RUVBL1: variants seen among roughly 807,000 people sequenced by gnomAD.
The protein encoded by RUVBL1 is ruvB-like 1.
RUVBL1 carries 4 observed loss-of-function variants against 52.4 expected under a neutral mutation model. The observed-to-expected ratio is 0.08, with a 90% CI of 0.04 to 0.17. RUVBL1 has a LOEUF of 0.17. Among genes scored for constraint, RUVBL1 ranks in the 10% least tolerant of loss-of-function variants. The probability of loss-of-function intolerance (pLI) is 1.00; values close to 1 mark genes in which losing one functional copy is unlikely to be tolerated. For missense variants in RUVBL1, 298 were observed against 572.8 expected, an observed-to-expected ratio of 0.52 and a Z score of 4.90; for synonymous variants, 217 against 214.4, an observed-to-expected ratio of 1.01 and a Z score of -0.10.
upstream of RUVBL1, among the ~76,000 whole-genome samples, chr3:128,127,887 C>T (rs1333412015): frequency 1.3e-5 from 2 of 152,134 alleles, no homozygotes; most frequent in Non-Finnish European, 2.9e-5. Flanking sequence ...GTCCCAGCTA[C>T]TCGGGAGGCT....
intron 1 of RUVBL1, among the ~76,000 whole-genome samples, chr3:128,146,549 C>T (rs1435433426): frequency 1.4e-5 from 2 of 141,620 alleles, no homozygotes; most frequent in Admixed American, 7.1e-5. Flanking sequence ...TGCGTGTGCA[C>T]GGGCATGTGC....
In RUVBL1 at chr3:128,067,289, C is replaced by A; in HGVS notation, c.940-2069G>T. 1 of 1,288,082 alleles carries A rather than the reference C, an allele frequency of 7.8e-7. No individual in the cohort carries two copies. Among genetic ancestry groups the A allele is most frequent in the Non-Finnish European group, 1.1e-6 (1 of 920,826 alleles). The allele number at this position is 1,288,082 out of a possible 1,614,324, so 79.8% of individuals were successfully genotyped here. ...TTACAAATTCAGCACATTAAATTATCTTTTCAGTAAAAAAATTGTACTGTG... is the reference window on the plus strand; with the variant it reads ...TTACAAATTCAGCACATTAAATTATATTTTCAGTAAAAAAATTGTACTGTG... On this transcript the variant is annotated intron_variant, in intron 9 of 9. Coordinates refer to the RUVBL1 transcript ENST00000464873. This position sits in a 1 kb window ranked among gnomAD's most constrained non-coding sequence, Gnocchi z 4.1.
intron 1 of RUVBL1, among the ~76,000 whole-genome samples, chr3:128,152,819 C>G (rs754349778): frequency 1.3e-5 from 2 of 149,752 alleles, no homozygotes; most frequent in Non-Finnish European, 3.0e-5. Context: ...TTCTGCAATG[C>G]GAAAGGGCAC....
chr3:128,139,069 A>G (rs1943983935), intron 1 of RUVBL1, among the ~76,000 whole-genome samples: 1 of 152,210 alleles, frequency 6.6e-6, no homozygotes, highest in Non-Finnish European at 1.5e-5. Flanking sequence ...ACTTAAATCT[A>G]TGACCTCAAA....
At chr3:128,124,634 GA>G (rs1204727185), upstream of RUVBL1, among the ~76,000 whole-genome samples, 14 of 152,212 alleles carry the variant, frequency 9.2e-5, 1 homozygote, top group East Asian at 2.7e-3. Flanking sequence ...CAACAAACAC[GA>G]GCCAGACACC....
chr3:128,152,472 T>C (rs1944235407), intron 1 of RUVBL1, among the ~76,000 whole-genome samples: 1 of 152,226 alleles, frequency 6.6e-6, no homozygotes, highest in Non-Finnish European at 1.5e-5. Flanking sequence ...CTCCCTCTCC[T>C]GCTCCTTTTT....
At chr3:128,129,841 G>T (rs1003444649) in intron 1 of RUVBL1, among the ~76,000 whole-genome samples, 6 of 152,186 alleles carry the variant, frequency 3.9e-5, no homozygotes, top group Non-Finnish European at 5.9e-5. Context: ...GTACAATGGT[G>T]GTTGCCAGGG....
chr3:128,100,547 C>T, intron 6 of RUVBL1, 48 bp downstream of exon 6: 1 of 1,544,432 alleles, frequency 6.5e-7, no homozygotes, highest in Non-Finnish European at 8.7e-7. Flanking sequence ...TCTCCACACA[C>T]ATACAAAAGG....
intron 1 of RUVBL1, among the ~76,000 whole-genome samples, chr3:128,120,610 T>C (rs1042087368): frequency 6.6e-6 from 1 of 152,182 alleles, no homozygotes; most frequent in African/African-American, 2.4e-5. Context: ...AATACGTGAC[T>C]ATCTAAAAGG....
downstream of RUVBL1, chr3:128,078,941 C>G (rs983001209): frequency 2.6e-5 from 4 of 152,270 alleles, no homozygotes; most frequent in Admixed American, 2.6e-4. Flanking sequence ...ACTGGGCCAT[C>G]TCTCTGGGTA....
At chr3:128,140,537 A>C (rs912998345) in intron 1 of RUVBL1, among the ~76,000 whole-genome samples, 7 of 152,274 alleles carry the variant, frequency 4.6e-5, no homozygotes, top group African/African-American at 1.7e-4. Context: ...GGTGGTACAA[A>C]GTCATAAAAG....
chr3:128,144,025 A>G (rs1944068748), intron 1 of RUVBL1, among the ~76,000 whole-genome samples: 1 of 152,148 alleles, frequency 6.6e-6, no homozygotes, highest in Admixed American at 6.5e-5. Flanking sequence ...CGCGTGGAGG[A>G]GTTCTTGCCA....
At chr3:128,099,379 T>G (rs1178982836) in intron 6 of RUVBL1, among the ~76,000 whole-genome samples, 3 of 152,252 alleles carry the variant, frequency 2.0e-5, no homozygotes, top group African/African-American at 7.2e-5. Flanking sequence ...CATCTGACCC[T>G]AACCGGACTC....
At position 128,065,732 on chromosome 3, in the gene RUVBL1, A is replaced by ATTTTTTTT. The variant is rs758640768; in HGVS notation, c.940-520_940-513dup. ...AGAATTTGCAGTCAGATCATTAAGAATTTTTTTTTTTTTTTTTTTTTTGAG... is the reference window on the plus strand; with the variant it reads ...AGAATTTGCAGTCAGATCATTAAGAATTTTTTTTTTTTTTTTTTTTTTTTTTTTTTGAG... On this transcript the variant is annotated intron_variant, in intron 9 of 9. Transcript: ENST00000464873. Among the ~76,000 whole-genome samples, 56 of 97,496 alleles carry ATTTTTTTT rather than the reference A, an allele frequency of 5.7e-4. 2 individuals carry two copies. Among genetic ancestry groups the ATTTTTTTT allele is most frequent in the African/African-American group, 1.0e-3 (25 of 24,140 alleles). 64.0% of individuals were successfully genotyped at this position (97,496 alleles called of 152,430 possible).
At chr3:128,146,844 C>T (rs563522899) in intron 1 of RUVBL1, among the ~76,000 whole-genome samples, 59 of 147,600 alleles carry the variant, frequency 4.0e-4, no homozygotes, top group Admixed American at 6.7e-4. Context: ...CACTTGTGTG[C>T]GTTTGTGTCT....
At chr3:128,085,887 G>A (rs13063604) in intron 9 of RUVBL1, among the ~76,000 whole-genome samples, 34,423 of 152,170 alleles carry the variant, frequency 0.23, 3,977 homozygotes, top group South Asian at 0.27. Flanking sequence ...TGGGTGGCAC[G>A]GTGATTAAGA....
intron 1 of RUVBL1, among the ~76,000 whole-genome samples, chr3:128,120,722 C>T (rs1053840561): frequency 2.0e-5 from 3 of 152,154 alleles, no homozygotes; most frequent in African/African-American, 4.8e-5. Context: ...ACCTTGGTCC[C>T]ACACTTATGG....
chr3:128,132,472 C>T (rs956013560), intron 1 of RUVBL1, among the ~76,000 whole-genome samples: 4 of 152,234 alleles, frequency 2.6e-5, no homozygotes, highest in South Asian at 4.1e-4. Context: ...TTGCAGCTCC[C>T]GGAGAGACTC....
Position 128,097,347 on chromosome 3 carries a change from G to A in RUVBL1, c.969C>T (p.Ile323=), listed in dbSNP as rs764695965. ...TYLHRALESS[I]APIVIFASNR... ...TGGATGCAAAGATGACGATGGGAGC[G>A]ATAGAAGACTCCAGGGCGCGGTGCA... The change falls in exon 8 of 11, where the codon ATC becomes ATT. Residue 323 remains isoleucine, a synonymous_variant. Coordinates refer to ENST00000322623, the MANE Select transcript of RUVBL1 (RefSeq NM_003707.3). 5.6e-6 allele frequency: 9 copies of A among 1,614,086 alleles called. No homozygotes were observed. In the East Asian group the frequency reaches 6.7e-5, roughly 12 times the overall value.
Sources: allele counts gnomAD v4.1 joint callset (sites outside exome capture counted in the v4.1 genomes callset), GRCh38; gene constraint gnomAD v4.1.1; non-coding constraint Gnocchi (gnomAD v3.1); transcripts MANE v1.5; gene names NCBI Gene and HGNC (gene_info 2026-07-23, HGNC 2026-07-21).